Variants in RIGI observed in about 807,000 individuals in gnomAD.
RIGI encodes antiviral innate immune response receptor RIG-I.
At chr9:32,472,900 C>T in the RIGI span, 1 of 805,150 alleles carries the variant, frequency 1.2e-6, no homozygotes, top group South Asian at 2.7e-5. Context: ...TATATACACA[C>T]ACACATATAC....
the RIGI span, chr9:32,457,440 A>C: frequency 7.4e-5 from 119 of 1,602,510 alleles, no homozygotes; most frequent in Non-Finnish European, 9.6e-5. Flanking sequence ...GGGATGGAAT[A>C]ACACACAAAA....
At chr9:32,496,281 A>G in the RIGI span, among the ~76,000 whole-genome samples, 1 of 152,126 alleles carries the variant, frequency 6.6e-6, no homozygotes, top group African/African-American at 2.4e-5. Flanking sequence ...GTGATGGTTA[A>G]TTTTCTGTGT....
At chr9:32,494,803 C>T in the RIGI span, among the ~76,000 whole-genome samples, 2 of 152,160 alleles carry the variant, frequency 1.3e-5, 1 homozygote. Context: ...GCTTATTTCA[C>T]TCAGCACAGC....
the RIGI span, among the ~76,000 whole-genome samples, chr9:32,486,494 T>C: frequency 1.4e-5 from 2 of 146,274 alleles, no homozygotes; most frequent in South Asian, 4.4e-4. Context: ...ACGCAAAGTG[T>C]CACAAAACAC....
At chr9:32,504,738 T>C in the RIGI span, among the ~76,000 whole-genome samples, 1 of 140,604 alleles carries the variant, frequency 7.1e-6, no homozygotes, top group East Asian at 2.0e-4. Flanking sequence ...ATAAAATATA[T>C]TTAATACATA....
At chr9:32,456,030 T>A in the RIGI span, 16 of 152,112 alleles carry the variant, frequency 1.1e-4, no homozygotes, top group African/African-American at 3.4e-4. Flanking sequence ...CAAACTAAGC[T>A]CTTTGAAGCA....
At chr9:32,465,439 T>G in the RIGI span, among the ~76,000 whole-genome samples, 1 of 152,230 alleles carries the variant, frequency 6.6e-6, no homozygotes, top group Non-Finnish European at 1.5e-5. Context: ...TTCATCTTCA[T>G]GAAGTTAAAC....
At chr9:32,520,091 T>A in the RIGI span, among the ~76,000 whole-genome samples, 2 of 152,228 alleles carry the variant, frequency 1.3e-5, no homozygotes, top group Admixed American at 1.3e-4. Context: ...TATCTTCATA[T>A]TGAATTTCCA....
the RIGI span, among the ~76,000 whole-genome samples, chr9:32,458,038 T>C: frequency 3.0e-4 from 46 of 152,292 alleles, 1 homozygote; most frequent in African/African-American, 1.1e-3. Context: ...GTAAGGGAAC[T>C]TAGCAATATG....
the RIGI span, among the ~76,000 whole-genome samples, chr9:32,464,994 CTT>C: frequency 6.6e-6 from 1 of 152,204 alleles, no homozygotes; most frequent in Non-Finnish European, 1.5e-5. Context: ...CCTCAACAGA[CTT>C]TTACTCTGTT....
At chr9:32,488,799 A>C in the RIGI span, 1 of 1,613,074 alleles carries the variant, frequency 6.2e-7, no homozygotes, top group Non-Finnish European at 8.5e-7. Context: ...TCTGATTCGC[A>C]AAAAAGACAA....
the RIGI span, chr9:32,466,444 A>G: frequency 3.8e-6 from 6 of 1,592,456 alleles, no homozygotes; most frequent in Non-Finnish European, 5.1e-6. Flanking sequence ...TCCTCTGCCT[A>G]TTAGAAAATA....
chr9:32,459,897 G>T, the RIGI span, among the ~76,000 whole-genome samples: 2 of 152,166 alleles, frequency 1.3e-5, no homozygotes, highest in Admixed American at 1.3e-4. Context: ...ATATCCATTT[G>T]CAGGCACAAA....
At chr9:32,457,527 A>G in the RIGI span, 1 of 958,412 alleles carries the variant, frequency 1.0e-6, no homozygotes, top group Non-Finnish European at 1.5e-6. Context: ...GAGGCAAAGA[A>G]CAGGTGGGTC....
chr9:32,504,122 G>C, the RIGI span, among the ~76,000 whole-genome samples: 2 of 151,036 alleles, frequency 1.3e-5, no homozygotes, highest in African/African-American at 2.4e-5. Context: ...AAGTGCTGCA[G>C]CTTCCAGGGT....
the RIGI span, among the ~76,000 whole-genome samples, chr9:32,524,827 T>C: frequency 6.6e-6 from 1 of 152,010 alleles, no homozygotes; most frequent in Non-Finnish European, 1.5e-5. Context: ...GGTCTCGAAC[T>C]CCTGACCTTG....
At chr9:32,498,355 T>A in the RIGI span, 1 of 456,716 alleles carries the variant, frequency 2.2e-6, no homozygotes. Flanking sequence ...CTCCTGTAGC[T>A]TACTGAATAT....
At chr9:32,491,486 TC>T in the RIGI span, 1 of 1,337,840 alleles carries the variant, frequency 7.5e-7, no homozygotes. Flanking sequence ...TGGTGAAAGC[TC>T]CACAAAATGG....
the RIGI span, among the ~76,000 whole-genome samples, chr9:32,508,239 ATTTT>A: frequency 6.6e-3 from 464 of 70,358 alleles, 30 homozygotes; most frequent in Admixed American, 0.019. Context: ...TATTTACTTA[ATTTT>A]TTTTTTTTTT....
Sources: allele counts gnomAD v4.1 joint callset (sites outside exome capture counted in the v4.1 genomes callset), GRCh38; gene constraint gnomAD v4.1.1; transcripts MANE v1.5; gene names NCBI Gene and HGNC (gene_info 2026-07-23, HGNC 2026-07-21).